The following NCAM2 variants were observed in gnomAD, a reference collection of about 807,000 sequenced individuals.
The protein encoded by NCAM2 is N-CAM-2.
A neutral mutation model predicts 98.1 loss-of-function variants in NCAM2; 30 were observed. The observed-to-expected ratio is 0.31, with a 90% CI of 0.23 to 0.41. The LOEUF is 0.41. Among genes scored for constraint, NCAM2 ranks in the 10% least tolerant of loss-of-function variants. NCAM2 has a pLI of 1.00. For synonymous variants in NCAM2, 368 were observed against 342.4 expected, an observed-to-expected ratio of 1.07 and a Z score of -0.83; for missense variants, 867 against 1,005.8, an observed-to-expected ratio of 0.86 and a Z score of 1.87.
intron 14 of NCAM2, among the ~76,000 whole-genome samples, chr21:21,475,733 T>C (rs1208153458): frequency 3.9e-5 from 6 of 152,194 alleles, no homozygotes; most frequent in Non-Finnish European, 5.9e-5. Context: ...TTGTGTATAT[T>C]GATAACTTGT....
chr21:21,292,311 A>G (rs1201579062), intron 5 of NCAM2, 70 bp downstream of exon 5: 62 of 1,463,584 alleles, frequency 4.2e-5, no homozygotes, highest in Non-Finnish European at 3.0e-5. Context: ...AATGGCAACC[A>G]TGTGAACTCA....
chr21:21,087,112 T>G (rs374227041), intron 1 of NCAM2, among the ~76,000 whole-genome samples: 25 of 151,890 alleles, frequency 1.6e-4, no homozygotes, highest in African/African-American at 6.0e-4. Context: ...TGTTGTATAT[T>G]TTCCCTTAAG....
chr21:21,167,640 G>A (rs2067993886), intron 1 of NCAM2, among the ~76,000 whole-genome samples: 1 of 151,978 alleles, frequency 6.6e-6, no homozygotes, highest in African/African-American at 2.4e-5. Context: ...GAAAGTGGAG[G>A]CATCACTACA....
At chr21:21,320,528 A>T (rs1008803753) in intron 5 of NCAM2, among the ~76,000 whole-genome samples, 1 of 135,350 alleles carries the variant, frequency 7.4e-6, no homozygotes, top group Non-Finnish European at 1.6e-5. Context: ...GAAAATTGAG[A>T]GCTGTTAGAT....
At chr21:21,098,937 G>A (rs986456017) in intron 1 of NCAM2, among the ~76,000 whole-genome samples, 1 of 151,838 alleles carries the variant, frequency 6.6e-6, no homozygotes, top group African/African-American at 2.4e-5. Flanking sequence ...GGCACGCGAT[G>A]AGATTGGGAT....
chr21:21,115,322 A>G (rs2251390), intron 1 of NCAM2, among the ~76,000 whole-genome samples: 90,559 of 151,932 alleles, frequency 0.6, 27,674 homozygotes, highest in East Asian at 0.83. Context: ...CCTGAATGCT[A>G]AGCCACCATT....
At chr21:21,192,432 A>G (rs1043196675) in intron 1 of NCAM2, among the ~76,000 whole-genome samples, 5 of 152,162 alleles carry the variant, frequency 3.3e-5, no homozygotes. Context: ...TAAAGTCCAC[A>G]TATGACATTA....
chr21:21,473,136 G>C (rs2146242540), intron 14 of NCAM2, among the ~76,000 whole-genome samples: 1 of 151,174 alleles, frequency 6.6e-6, no homozygotes, highest in Admixed American at 6.6e-5. Context: ...GTTTCTTTTG[G>C]ATATTCTGAT....
chr21:21,139,395 GA>G (rs1321672334), intron 1 of NCAM2, among the ~76,000 whole-genome samples: 2 of 152,198 alleles, frequency 1.3e-5, no homozygotes, highest in Non-Finnish European at 2.9e-5. Context: ...AATTTAGTTT[GA>G]AATCTTCAGA....
At chr21:21,494,908 T>TA (rs1275193517) in intron 15 of NCAM2, among the ~76,000 whole-genome samples, 2 of 656 alleles carry the variant, frequency 3.0e-3, no homozygotes, top group Admixed American at 0.2. Context: ...TTTTAGCCAA[T>TA]TTTTTTCAAA....
At chr21:21,245,666 G>A (rs980250718) in intron 1 of NCAM2, among the ~76,000 whole-genome samples, 19 of 152,174 alleles carry the variant, frequency 1.2e-4, no homozygotes, top group Admixed American at 4.6e-4. Flanking sequence ...CCAAAATCAT[G>A]TTGTAAACAC....
chr21:21,042,336 C>T (rs559464401), intron 1 of NCAM2, among the ~76,000 whole-genome samples: 30 of 152,180 alleles, frequency 2.0e-4, no homozygotes, highest in African/African-American at 6.7e-4. Context: ...GGGCATGCAC[C>T]ACCACACCCA....
intron 1 of NCAM2, among the ~76,000 whole-genome samples, chr21:21,058,669 A>ATTTTTTTTTTTTTT (rs59289753): frequency 4.1e-5 from 6 of 144,854 alleles, no homozygotes; most frequent in Non-Finnish European, 3.0e-5. Context: ...TTCACACAGG[A>ATTTTTTTTTTTTTT]TTTTTTTTTT....
intron 1 of NCAM2, among the ~76,000 whole-genome samples, chr21:21,066,843 A>G (rs1048381944): frequency 1.3e-5 from 2 of 152,052 alleles, no homozygotes; most frequent in African/African-American, 2.4e-5. Context: ...TAATGTTTCT[A>G]TGGAAATAAC....
At chr21:21,017,270 C>G (rs1034210972) in intron 1 of NCAM2, among the ~76,000 whole-genome samples, 1 of 151,342 alleles carries the variant, frequency 6.6e-6, no homozygotes, top group African/African-American at 2.4e-5. Flanking sequence ...ACTAAAAATA[C>G]AAAAAATTAG....
chr21:21,528,513 A>G lies in NCAM2; in HGVS notation c.2283-6024A>G, dbSNP rs576719145. ...TGCTATGAAATTAAAACTGGTCTAA[A>G]TTAAGTCTATACAAATGGAATTTTA... is the stretch of plus-strand genomic sequence containing the variant. On this transcript the variant is annotated intron_variant, in intron 16 of 17. Transcript: ENST00000400546. Among the ~76,000 whole-genome samples, 11 of 152,248 alleles carry G rather than the reference A, an allele frequency of 7.2e-5. No homozygotes were observed. The East Asian group carries it at 2.1e-3, about 29-fold the overall frequency.
intron 1 of NCAM2, among the ~76,000 whole-genome samples, chr21:21,057,169 CT>C (rs1174136618): frequency 6.6e-6 from 1 of 151,966 alleles, no homozygotes; most frequent in East Asian, 1.9e-4. Context: ...AAAATGCTTC[CT>C]TTGTAAGCAC....
intron 5 of NCAM2, among the ~76,000 whole-genome samples, chr21:21,309,129 T>TTATTAACATTTAA: frequency 6.6e-6 from 1 of 152,322 alleles, no homozygotes; most frequent in African/African-American, 2.4e-5. Flanking sequence ...TTTAATGTTA[T>TTATTAACATTTAA]TGTGTACTAT....
chr21:21,164,163 G>T (rs2067878841), intron 1 of NCAM2, among the ~76,000 whole-genome samples: 1 of 152,136 alleles, frequency 6.6e-6, no homozygotes, highest in African/African-American at 2.4e-5. Context: ...CCTTGGCTGG[G>T]CAAACTCAGC....
Sources: gnomAD v4.1 joint callset for allele counts (sites outside exome capture counted in the v4.1 genomes callset) on GRCh38, gnomAD v4.1.1 for gene constraint, MANE v1.5 for transcripts, NCBI Gene and HGNC (gene_info 2026-07-23, HGNC 2026-07-21) for gene names.